Variants in CNTNAP2 observed in about 807,000 individuals in gnomAD.
CNTNAP2 encodes the protein contactin-associated protein-like 2.
In CNTNAP2, 98 loss-of-function variants were observed where a neutral mutation model predicts 155.2. The observed-to-expected ratio is 0.63, with a 90% confidence interval of 0.54 to 0.75. CNTNAP2 has a LOEUF of 0.75. Among genes scored for constraint, CNTNAP2 ranks in the 30% least tolerant of loss-of-function variants. The pLI, the probability that CNTNAP2 is intolerant of heterozygous loss-of-function variation, is 0.00. For synonymous variants in CNTNAP2, 651 were observed against 631.2 expected (o/e 1.03, Z -0.47); for missense variants, 1,727 against 1,688.1 (o/e 1.02, Z -0.40).
In CNTNAP2 at chr7:148,267,128, TA is replaced by T; in HGVS notation, c.3475+4del. On this transcript the variant is annotated splice_donor_region_variant and intron_variant, in intron 21 of 23. Coordinates refer to ENST00000361727, the MANE Select transcript of CNTNAP2 (RefSeq NM_014141.6). ...CGCTCTTTCTGGGAAAAGTTATAGG[TA>T]AGAATGTGGTTCGTTAGGTATAAAT... 6.2e-7 allele frequency: 1 copy of T among 1,612,664 alleles called. No individual in the cohort carries two copies. Among genetic ancestry groups the T allele is most frequent in the Non-Finnish European group, 8.5e-7 (1 of 1,178,704 alleles).
At chr7:146,694,230 G>A (rs1223509257) in intron 1 of CNTNAP2, among the ~76,000 whole-genome samples, 2 of 152,158 alleles carry the variant, frequency 1.3e-5, no homozygotes, top group Non-Finnish European at 2.9e-5. Context: ...TAGACAAAGG[G>A]CTAAATAGAA....
chr7:147,388,600 A>G (rs1363504539), intron 9 of CNTNAP2, among the ~76,000 whole-genome samples: 1 of 151,344 alleles, frequency 6.6e-6, no homozygotes, highest in Non-Finnish European at 1.5e-5. Context: ...TTCTTTTTTG[A>G]GATGGAGTCT....
rs148860323 is a variant in CNTNAP2, at chr7:147,490,062, A to G, written c.1777+4021A>G. Reference sequence around the variant, plus strand: ...TTTTAGTGTTCGACAAAAATAAGCAATGTTAGCCTTGGAAATTTATTAAAT... The same window carrying G: ...TTTTAGTGTTCGACAAAAATAAGCAGTGTTAGCCTTGGAAATTTATTAAAT... On this transcript the variant is annotated intron_variant, in intron 11 of 23. Transcript: ENST00000361727. 7.0e-3 allele frequency among the ~76,000 whole-genome samples: 1,064 copies of G among 152,332 alleles called. 11 individuals are homozygous for G. The highest frequency in any genetic ancestry group is 0.024 in the African/African-American group (999 of 41,574).
chr7:146,920,183 G>T (rs1796473187), intron 3 of CNTNAP2, among the ~76,000 whole-genome samples: 1 of 152,094 alleles, frequency 6.6e-6, no homozygotes, highest in Admixed American at 6.6e-5. Context: ...GGAGGCCGAG[G>T]AGAGCAGATC....
intron 6 of CNTNAP2, among the ~76,000 whole-genome samples, chr7:147,126,271 T>C (rs1801232851): frequency 6.6e-6 from 1 of 152,168 alleles, no homozygotes; most frequent in Non-Finnish European, 1.5e-5. Flanking sequence ...ACTTGAAAGC[T>C]AACAAAATCG....
chr7:146,906,538 G>A (rs1279101210), intron 3 of CNTNAP2, among the ~76,000 whole-genome samples: 2 of 152,006 alleles, frequency 1.3e-5, no homozygotes, highest in African/African-American at 2.4e-5. Flanking sequence ...CCCAGCAGGG[G>A]CACACTGACA....
chr7:146,579,464 A>G (rs1036632832), intron 1 of CNTNAP2, among the ~76,000 whole-genome samples: 1 of 152,120 alleles, frequency 6.6e-6, no homozygotes, highest in Non-Finnish European at 1.5e-5. Flanking sequence ...TTGTGTGCCA[A>G]AATGCCAGCC....
intron 13 of CNTNAP2, among the ~76,000 whole-genome samples, chr7:147,824,953 G>T (rs1161643154): frequency 6.6e-6 from 1 of 152,156 alleles, no homozygotes; most frequent in Non-Finnish European, 1.5e-5. Context: ...GATTGAGGAA[G>T]TAGTGGACTC....
At chr7:147,432,400 T>A (rs1797480322) in intron 10 of CNTNAP2, among the ~76,000 whole-genome samples, 1 of 152,184 alleles carries the variant, frequency 6.6e-6, no homozygotes, top group Non-Finnish European at 1.5e-5. Context: ...CTGTGTTTTT[T>A]AAAAAATAGA....
chr7:146,533,132 A>G (rs1011289292), intron 1 of CNTNAP2, among the ~76,000 whole-genome samples: 2 of 141,498 alleles, frequency 1.4e-5, no homozygotes, highest in Admixed American at 7.0e-5. Flanking sequence ...AAAAAAAAAA[A>G]AAAGCTGAAT....
chr7:146,196,214 AC>A, intron 1 of CNTNAP2, among the ~76,000 whole-genome samples: 1 of 152,188 alleles, frequency 6.6e-6, no homozygotes, highest in East Asian at 1.9e-4. Flanking sequence ...ACAGAGAATC[AC>A]CCACACTTTT....
intron 1 of CNTNAP2, among the ~76,000 whole-genome samples, chr7:146,194,819 A>G (rs1018031944): frequency 6.6e-6 from 1 of 152,174 alleles, no homozygotes; most frequent in African/African-American, 2.4e-5. Flanking sequence ...TTCTGAGACA[A>G]TGTTTTCTAT....
intron 1 of CNTNAP2, among the ~76,000 whole-genome samples, chr7:146,462,628 A>G (rs1161847942): frequency 1.3e-5 from 2 of 152,224 alleles, no homozygotes; most frequent in Non-Finnish European, 2.9e-5. Flanking sequence ...TCAAAGCCAG[A>G]TATAATATAG....
chr7:148,184,505 G>T (rs1169371143), intron 18 of CNTNAP2, among the ~76,000 whole-genome samples: 1 of 152,182 alleles, frequency 6.6e-6, no homozygotes, highest in Non-Finnish European at 1.5e-5. Flanking sequence ...TCCCTAGGGA[G>T]TTGGGTCAAG....
At chr7:146,825,399 G>A (rs901936587) in intron 2 of CNTNAP2, among the ~76,000 whole-genome samples, 2 of 152,122 alleles carry the variant, frequency 1.3e-5, no homozygotes, top group South Asian at 4.1e-4. Context: ...AATAAGTAAT[G>A]TGTGTAGCAA....
At chr7:147,662,899 A>G (rs969662074) in intron 13 of CNTNAP2, among the ~76,000 whole-genome samples, 1 of 152,222 alleles carries the variant, frequency 6.6e-6, no homozygotes, top group Non-Finnish European at 1.5e-5. Flanking sequence ...GTATTTCTTA[A>G]AAGTTCTATG....
intron 22 of CNTNAP2, among the ~76,000 whole-genome samples, chr7:148,391,471 T>C (rs1213047627): frequency 1.6e-5 from 2 of 122,280 alleles, no homozygotes; most frequent in Admixed American, 7.2e-5. Context: ...TTCTGCTCTA[T>C]TGGAAACATC....
intron 1 of CNTNAP2, among the ~76,000 whole-genome samples, chr7:146,350,196 C>T (rs999719123): frequency 3.3e-5 from 5 of 152,076 alleles, no homozygotes; most frequent in African/African-American, 7.2e-5. Context: ...CTAAACTTCC[C>T]TTCTCGCTTC....
intron 18 of CNTNAP2, among the ~76,000 whole-genome samples, chr7:148,193,216 T>C (rs1795227734): frequency 6.6e-6 from 1 of 152,156 alleles, no homozygotes; most frequent in South Asian, 2.1e-4. Flanking sequence ...ATTGAGAGGT[T>C]AGGTACTAAA....
Sources: gnomAD v4.1 joint callset for allele counts (sites outside exome capture counted in the v4.1 genomes callset) on GRCh38, gnomAD v4.1.1 for gene constraint, MANE v1.5 for transcripts, NCBI Gene and HGNC (gene_info 2026-07-23, HGNC 2026-07-21) for gene names.